Variants in EPM2A observed in about 807,000 individuals in gnomAD.
The protein encoded by EPM2A is laforin.
A neutral mutation model predicts 26.5 loss-of-function variants in EPM2A; 21 were observed. That is an observed-to-expected ratio of 0.79 (90% CI 0.56 to 1.14). EPM2A has a LOEUF of 1.14. Ranked by LOEUF, EPM2A falls within the 50% of genes most tolerant of loss-of-function variation. The probability of loss-of-function intolerance (pLI) is 0.00; values close to 1 mark genes in which losing one functional copy is unlikely to be tolerated. For missense variants in EPM2A, 458 were observed against 440.8 expected (o/e 1.04, Z -0.35); for synonymous variants, 217 against 177.6 (o/e 1.22, Z -1.76).
At chr6:145,416,405 G>T (rs1042185697) in intron 4 of EPM2A, among the ~76,000 whole-genome samples, 2 of 151,958 alleles carry the variant, frequency 1.3e-5, no homozygotes, top group Non-Finnish European at 2.9e-5. Flanking sequence ...TATAATTATG[G>T]CTTTTGGTTT....
chr6:145,550,598 C>T (rs1228905795), intron 2 of EPM2A, among the ~76,000 whole-genome samples: 4 of 151,864 alleles, frequency 2.6e-5, no homozygotes, highest in Non-Finnish European at 5.9e-5. Flanking sequence ...TAAATGACAC[C>T]AGTTCATACT....
chr6:145,631,781 G>A (rs1776268503), intron 3 of EPM2A: 1 of 151,932 alleles, frequency 6.6e-6, no homozygotes, highest in Admixed American at 6.6e-5. Context: ...AAAGAGAGGG[G>A]TCAAAAGGCC....
chr6:145,402,907 TAAG>T (rs930832576), intron 4 of EPM2A, among the ~76,000 whole-genome samples: 1 of 152,166 alleles, frequency 6.6e-6, no homozygotes, highest in African/African-American at 2.4e-5. Flanking sequence ...ACGTCTATTC[TAAG>T]GATATGTGCA....
intron 2 of EPM2A, among the ~76,000 whole-genome samples, chr6:145,654,510 TTGTAGGAAATACAAAA>T (rs1463597186): frequency 6.6e-6 from 1 of 152,180 alleles, no homozygotes; most frequent in Non-Finnish European, 1.5e-5. Flanking sequence ...ATTTTCTCAA[TTGTAGGAAATACAAAA>T]AAGTTTTGAT....
chr6:145,572,314 A>G (rs1332660625), intron 2 of EPM2A, among the ~76,000 whole-genome samples: 1 of 152,306 alleles, frequency 6.6e-6, no homozygotes, highest in East Asian at 1.9e-4. Flanking sequence ...CCATAAGGCC[A>G]TTGGTGCAGG....
At chr6:145,491,661 T>C in intron 4 of EPM2A, 1 of 392,856 alleles carries the variant, frequency 2.5e-6, no homozygotes, top group Non-Finnish European at 5.0e-6. Context: ...TCACTTTGGG[T>C]TGCTGTCCCA....
At chr6:145,528,766 AAGAAATACATCTCATAGAGCTATAGT>A in intron 2 of EPM2A, among the ~76,000 whole-genome samples, 1 of 152,172 alleles carries the variant, frequency 6.6e-6, no homozygotes, top group East Asian at 1.9e-4. Flanking sequence ...TATATTCTTT[AAGAAATACATCTCATAGAGCTATAGT>A]TGCCTTAAAT....
At chr6:145,535,850 A>G (rs1390802196) in intron 2 of EPM2A, among the ~76,000 whole-genome samples, 3 of 152,138 alleles carry the variant, frequency 2.0e-5, no homozygotes, top group East Asian at 1.9e-4. Flanking sequence ...TTGTGAATTT[A>G]CCTTTTCCAA....
intron 4 of EPM2A, among the ~76,000 whole-genome samples, chr6:145,425,116 C>CCTTCCTTCCTTCCTT (rs1554235704): frequency 7.6e-6 from 1 of 131,846 alleles, no homozygotes; most frequent in Admixed American, 8.1e-5. Flanking sequence ...ATGTAAGTCT[C>CCTTCCTTCCTTCCTT]CCTTCCTTCC....
In EPM2A at chr6:145,559,741, T is replaced by C. The variant is rs540203475; in HGVS notation, c.341-57166A>G. Among the ~76,000 whole-genome samples, 14 of 151,338 alleles carry C rather than the reference T, an allele frequency of 9.3e-5. No individual in the cohort carries two copies. The South Asian group carries it at 2.7e-3, about 30-fold the overall frequency. On this transcript the variant is annotated intron_variant, in intron 2 of 3. Transcript: ENST00000450221. ...ACACCAAATCACTACGGTAAACTAA[T>C]TGATACCAACTTTGTAAGATGCTAA...
At chr6:145,631,286 C>G (rs1484020034) in intron 3 of EPM2A, 2 of 152,068 alleles carry the variant, frequency 1.3e-5, no homozygotes, top group Non-Finnish European at 2.9e-5. Context: ...ACCAGAGCAG[C>G]TATAGATAGG....
At chr6:145,619,780 T>G (rs1775592793) in intron 2 of EPM2A, among the ~76,000 whole-genome samples, 1 of 152,338 alleles carries the variant, frequency 6.6e-6, no homozygotes, top group Non-Finnish European at 1.5e-5. Flanking sequence ...TAATTATAGT[T>G]GTAATCATGT....
At chr6:145,582,320 GT>G (rs1048074146) in intron 2 of EPM2A, among the ~76,000 whole-genome samples, 39 of 151,882 alleles carry the variant, frequency 2.6e-4, no homozygotes, top group Non-Finnish European at 2.9e-4. Flanking sequence ...GTCTGATTTT[GT>G]TTTTTTAAAT....
At chr6:145,566,938 T>C (rs1780891558) in intron 2 of EPM2A, among the ~76,000 whole-genome samples, 1 of 152,212 alleles carries the variant, frequency 6.6e-6, no homozygotes, top group Non-Finnish European at 1.5e-5. Context: ...AGCAAGTATT[T>C]TCTTTCTTAG....
At chr6:145,499,027 G>T (rs774243903), downstream of EPM2A, among the ~76,000 whole-genome samples, 2 of 151,866 alleles carry the variant, frequency 1.3e-5, no homozygotes, top group Admixed American at 6.6e-5. Flanking sequence ...GCCTCCCAAT[G>T]GGTCTCTCTC....
intron 2 of EPM2A, among the ~76,000 whole-genome samples, chr6:145,569,467 C>T (rs1780927386): frequency 6.6e-6 from 1 of 152,190 alleles, no homozygotes; most frequent in African/African-American, 2.4e-5. Context: ...ATGGCAAATG[C>T]ATCATAGGCA....
At chr6:145,538,474 C>G (rs1042104452) in intron 2 of EPM2A, among the ~76,000 whole-genome samples, 4 of 152,230 alleles carry the variant, frequency 2.6e-5, no homozygotes, top group African/African-American at 9.6e-5. Flanking sequence ...CAATCTCTCC[C>G]TCTTGCTTCT....
At chr6:145,572,610 AGAG>A (rs1284829120) in intron 2 of EPM2A, among the ~76,000 whole-genome samples, 12 of 152,150 alleles carry the variant, frequency 7.9e-5, no homozygotes, top group Admixed American at 7.9e-4. Flanking sequence ...TCTCAAAAGG[AGAG>A]TAGTTATCTG....
intron 2 of EPM2A, among the ~76,000 whole-genome samples, chr6:145,569,862 T>C (rs1314113810): frequency 6.6e-6 from 1 of 151,644 alleles, no homozygotes; most frequent in Non-Finnish European, 1.5e-5. Flanking sequence ...TACATATATA[T>C]ATATAAAGGG....
Sources: gnomAD v4.1 joint callset for allele counts (sites outside exome capture counted in the v4.1 genomes callset) on GRCh38, gnomAD v4.1.1 for gene constraint, MANE v1.5 for transcripts, NCBI Gene and HGNC (gene_info 2026-07-23, HGNC 2026-07-21) for gene names.